Variants in ADGRB3 observed in about 807,000 individuals in gnomAD.
ADGRB3 encodes adhesion G protein-coupled receptor B3, also known as brain-specific angiogenesis inhibitor 3.
A neutral mutation model predicts 193.4 loss-of-function variants in ADGRB3; 37 were observed. That is an observed-to-expected ratio of 0.19 (90% CI 0.15 to 0.25). The LOEUF is 0.25. Among genes scored for constraint, ADGRB3 ranks in the 10% least tolerant of loss-of-function variants. The probability of loss-of-function intolerance (pLI) is 1.00; values close to 1 mark genes in which losing one functional copy is unlikely to be tolerated. For missense variants in ADGRB3, 1,637 were observed against 1,852.9 expected (o/e 0.88, Z 2.14); for synonymous variants, 690 against 644.2 (o/e 1.07, Z -1.08).
chr6:69,259,666 A>ACAGTCCG, intron 20 of ADGRB3, among the ~76,000 whole-genome samples: 1 of 142,738 alleles, frequency 7.0e-6, no homozygotes, highest in East Asian at 2.0e-4. Context: ...ACTGCACTCC[A>ACAGTCCG]GCCTGGGTGA....
intron 13 of ADGRB3, among the ~76,000 whole-genome samples, 187 bp downstream of exon 13, chr6:69,018,686 C>T (rs1265134456): frequency 6.6e-5 from 10 of 151,802 alleles, no homozygotes; most frequent in South Asian, 2.1e-4. Flanking sequence ...TATATGTACG[C>T]GTATATTTGT....
At chr6:68,942,627 G>A (rs953046451) in intron 5 of ADGRB3, among the ~76,000 whole-genome samples, 3 of 149,320 alleles carry the variant, frequency 2.0e-5, no homozygotes, top group Non-Finnish European at 4.5e-5. Context: ...TTTTTTTTTT[G>A]GAAGATGGAG....
intron 30 of ADGRB3, among the ~76,000 whole-genome samples, chr6:69,377,303 C>G (rs1043649471): frequency 6.6e-6 from 1 of 152,030 alleles, no homozygotes; most frequent in African/African-American, 2.4e-5. Flanking sequence ...ACCTCAGAAT[C>G]AGGATCTCTC....
At chr6:69,314,809 AGGCTT>A (rs1287860385) in intron 20 of ADGRB3, among the ~76,000 whole-genome samples, 1 of 151,540 alleles carries the variant, frequency 6.6e-6, no homozygotes, top group African/African-American at 2.4e-5. Context: ...TAATAACAAA[AGGCTT>A]CTGATTCTAT....
chr6:68,673,992 T>C (rs1769024981), intron 3 of ADGRB3, among the ~76,000 whole-genome samples: 1 of 152,128 alleles, frequency 6.6e-6, no homozygotes, highest in Non-Finnish European at 1.5e-5. Context: ...TTAGATTTCT[T>C]ATACTATAAA....
chr6:68,860,488 T>A (rs927151517), intron 3 of ADGRB3, among the ~76,000 whole-genome samples: 3 of 152,240 alleles, frequency 2.0e-5, no homozygotes, highest in Non-Finnish European at 4.4e-5. Flanking sequence ...TAAATGATAA[T>A]TGATTTCCTG....
chr6:69,130,734 G>T (rs948580169), intron 17 of ADGRB3, among the ~76,000 whole-genome samples: 1 of 151,614 alleles, frequency 6.6e-6, no homozygotes, highest in Non-Finnish European at 1.5e-5. Context: ...TTGTAAACTT[G>T]ATTTAACAAA....
chr6:69,193,492 AG>A (rs533943973), intron 17 of ADGRB3, among the ~76,000 whole-genome samples: 2 of 152,086 alleles, frequency 1.3e-5, no homozygotes, highest in Admixed American at 6.6e-5. Flanking sequence ...TCAATCTCAT[AG>A]GAAATGAGGA....
intron 17 of ADGRB3, among the ~76,000 whole-genome samples, chr6:69,092,241 T>C (rs1423834264): frequency 3.9e-5 from 6 of 152,228 alleles, no homozygotes; most frequent in Admixed American, 3.9e-4. Context: ...TCAAGGTCAA[T>C]GTCTTGCCTA....
chr6:69,325,083 A>G (rs1768539463), intron 21 of ADGRB3, 61 bp downstream of exon 21: 1 of 1,549,940 alleles, frequency 6.5e-7, no homozygotes, highest in Non-Finnish European at 8.7e-7. Flanking sequence ...ACACATTAGA[A>G]AGCAGTCATG....
chr6:69,211,788 C>A (rs575613076), intron 17 of ADGRB3, among the ~76,000 whole-genome samples: 4 of 152,190 alleles, frequency 2.6e-5, no homozygotes, highest in Non-Finnish European at 4.4e-5. Context: ...ATACCCATCT[C>A]CAAACCACAA....
intron 3 of ADGRB3, among the ~76,000 whole-genome samples, chr6:68,775,270 C>T (rs1766716533): frequency 6.6e-6 from 1 of 151,846 alleles, no homozygotes; most frequent in Non-Finnish European, 1.5e-5. Flanking sequence ...AAAAAGGACC[C>T]AGGCAGGAAA....
chr6:68,886,184 C>T (rs1362339306), intron 3 of ADGRB3, among the ~76,000 whole-genome samples: 1 of 152,112 alleles, frequency 6.6e-6, no homozygotes, highest in Non-Finnish European at 1.5e-5. Flanking sequence ...CCACTGTTGT[C>T]AAATTCTGGT....
chr6:69,042,668 T>G (rs1228134202), intron 13 of ADGRB3, among the ~76,000 whole-genome samples: 2 of 152,222 alleles, frequency 1.3e-5, no homozygotes, highest in Non-Finnish European at 2.9e-5. Flanking sequence ...CCCTATATTT[T>G]TCTTACAGAA....
chr6:69,275,018 C>T (rs1232253900), intron 20 of ADGRB3, among the ~76,000 whole-genome samples: 1 of 151,946 alleles, frequency 6.6e-6, no homozygotes, highest in Admixed American at 6.6e-5. Flanking sequence ...ATTGTTTGGC[C>T]CCCTACCACA....
intron 17 of ADGRB3, among the ~76,000 whole-genome samples, chr6:69,173,236 C>G (rs1405515216): frequency 6.6e-6 from 1 of 152,178 alleles, no homozygotes; most frequent in Non-Finnish European, 1.5e-5. Context: ...TGGGGTTTCA[C>G]CATGTTGGCC....
rs78624889 is a variant in ADGRB3 at position 68,855,029 on chromosome 6, G to A, written c.758-75530G>A. Among the ~76,000 whole-genome samples, 5 of 152,116 alleles carry A rather than the reference G, an allele frequency of 3.3e-5. No homozygotes were observed. The East Asian group carries it at 9.6e-4, about 29-fold the overall frequency. Reference sequence around the variant, plus strand: ...TCTTTGCCTAAGGAGTCAGACCTAGGCACGACAGCTTTTATCAGGAAGGAA... The same window carrying A: ...TCTTTGCCTAAGGAGTCAGACCTAGACACGACAGCTTTTATCAGGAAGGAA... On this transcript the variant is annotated intron_variant, in intron 3 of 31. Transcript: ENST00000370598.
At chr6:68,676,389 C>CAAAAAA (rs70987431) in intron 3 of ADGRB3, among the ~76,000 whole-genome samples, 157 of 84,206 alleles carry the variant, frequency 1.9e-3, no homozygotes, top group African/African-American at 2.9e-3. Flanking sequence ...GACTCTGTCT[C>CAAAAAA]AAAAAAAAAA....
intron 3 of ADGRB3, among the ~76,000 whole-genome samples, chr6:68,863,422 T>C (rs116856493): frequency 0.017 from 2,552 of 152,158 alleles, 33 homozygotes; most frequent in Non-Finnish European, 0.027. Flanking sequence ...TAAATTATAA[T>C]GTGTTTGGGG....
Sources: allele counts gnomAD v4.1 joint callset (sites outside exome capture counted in the v4.1 genomes callset), GRCh38; gene constraint gnomAD v4.1.1; transcripts MANE v1.5; gene names NCBI Gene and HGNC (gene_info 2026-07-23, HGNC 2026-07-21).